DENND2B: variants seen among roughly 807,000 people sequenced by gnomAD.
DENND2B encodes the protein DENN domain-containing protein 2B.
A neutral mutation model predicts 116.0 loss-of-function variants in DENND2B; 32 were observed. The ratio of observed to expected loss-of-function variants is 0.28; its 90% CI spans 0.21 to 0.37. The LOEUF (loss-of-function observed/expected upper bound fraction) is 0.37. DENND2B is among the 10% of genes least tolerant of loss of function. The pLI is 1.00. For synonymous variants in DENND2B, 588 were observed against 583.9 expected (o/e 1.01, Z -0.10); for missense variants, 1,276 against 1,477.7 (o/e 0.86, Z 2.24).
intron 3 of DENND2B, among the ~76,000 whole-genome samples, chr11:8,854,244 C>T (rs920579961): frequency 4.6e-5 from 7 of 151,874 alleles, no homozygotes; most frequent in African/African-American, 1.7e-4. Flanking sequence ...CTCTGTTACC[C>T]AGGCTAGAGT....
chr11:8,804,459 A>G (rs1018333836), intron 1 of DENND2B, among the ~76,000 whole-genome samples: 2 of 151,746 alleles, frequency 1.3e-5, no homozygotes, highest in Non-Finnish European at 2.9e-5. Flanking sequence ...ATCTTGTATT[A>G]TTACACACCC....
chr11:8,711,067 T>TA (rs2043578721), intron 10 of DENND2B, 55 bp downstream of exon 10: 3 of 1,584,156 alleles, frequency 1.9e-6, no homozygotes, highest in Non-Finnish European at 2.6e-6. Context: ...GTGCCCACGC[T>TA]ATGGGGGTAA....
In DENND2B at chr11:8,707,225, C is replaced by T. The variant is rs1301375928; in HGVS notation, c.2431G>A (p.Val811Ile). 3 of 1,608,430 alleles carry T rather than the reference C, an allele frequency of 1.9e-6. No individual in the cohort carries two copies. Among genetic ancestry groups the T allele is most frequent in the South Asian group, 2.2e-5 (2 of 90,412 alleles). ...CGCCGGCGCTCCACCTCATCTAGGA[C>T]CTGTGCCCACCGCCAGCAGCCCAAA... ...RLGCFGLFSK[V>I]LDEVERRRGI... The change falls in exon 13 of 20, where the codon GTC becomes ATC. Residue 811 changes from valine to isoleucine, a missense_variant and splice_region_variant. Physicochemically the swap from Val to Ile is conservative, Grantham distance 29 (BLOSUM62 3). Transcript: ENST00000313726. The surrounding 1 kb of genome is among the most constrained non-coding windows in gnomAD (Gnocchi z 4.8).
intron 1 of DENND2B, among the ~76,000 whole-genome samples, chr11:8,796,293 G>A (rs3842991): frequency 0.62 from 94,965 of 152,102 alleles, 30,092 homozygotes; most frequent in Non-Finnish European, 0.68. Flanking sequence ...TGTAATCCCA[G>A]CACTTTGGGA....
Position 8,712,498 on chromosome 11 carries a change from T to C in DENND2B, c.2172+53A>G, listed in dbSNP as rs570827680. The C allele has an allele frequency of 2.3e-5, 35 of 1,503,904 alleles. 1 individual carries two copies. The African/African-American group carries it at 4.5e-4, about 19-fold the overall frequency. The allele number at this position is 1,503,904 out of a possible 1,614,324, so 93.2% of individuals were successfully genotyped here. A position where few individuals can be genotyped will look rare whatever the true frequency, so the allele number is the denominator to read the frequency against. On this transcript the variant is annotated intron_variant, in intron 9 of 19. Coordinates refer to ENST00000313726, the MANE Select transcript of DENND2B (RefSeq NM_213618.2). This position sits in a 1 kb window ranked among gnomAD's most constrained non-coding sequence, Gnocchi z 4.4. ...TCCTTCCCCAGATAGGCCTGGCGGATAGAGGATGGAAGAGGGGGAATATGG... is the reference window on the plus strand; with the variant it reads ...TCCTTCCCCAGATAGGCCTGGCGGACAGAGGATGGAAGAGGGGGAATATGG...
intron 11 of DENND2B, among the ~76,000 whole-genome samples, chr11:8,709,578 G>A (rs2043231716): frequency 1.3e-5 from 2 of 152,056 alleles, no homozygotes; most frequent in Non-Finnish European, 2.9e-5. Context: ...CTGTGCATAC[G>A]CCCTTTGCCC....
At chr11:8,792,790 C>CA (rs2134343942) in intron 1 of DENND2B, among the ~76,000 whole-genome samples, 1 of 152,264 alleles carries the variant, frequency 6.6e-6, no homozygotes, top group Admixed American at 6.5e-5. Context: ...TGGGCCAGGG[C>CA]GCAGTGGAAA....
chr11:8,849,220 C>T (rs368391637), intron 3 of DENND2B, among the ~76,000 whole-genome samples: 6 of 152,030 alleles, frequency 3.9e-5, no homozygotes, highest in South Asian at 2.1e-4. Flanking sequence ...AGGCCGGGCG[C>T]GGTGGCTCAC....
chr11:8,732,745 T>G (rs1275516423), intron 2 of DENND2B, among the ~76,000 whole-genome samples: 2 of 152,244 alleles, frequency 1.3e-5, no homozygotes, highest in Non-Finnish European at 1.5e-5. Flanking sequence ...CTTTCAGAAT[T>G]CTTTCCAAAC....
At chr11:8,749,363 G>T (rs936519367) in intron 2 of DENND2B, among the ~76,000 whole-genome samples, 2 of 152,252 alleles carry the variant, frequency 1.3e-5, no homozygotes, top group Non-Finnish European at 2.9e-5. Flanking sequence ...GAGAGGGATT[G>T]CCTGGGCAAG....
rs2062609057 is a variant in DENND2B at position 8,841,126 on chromosome 11, A to C, written c.-155-1776T>G. Among the ~76,000 whole-genome samples, 3 of 152,278 alleles carry C rather than the reference A, an allele frequency of 2.0e-5. No homozygotes were observed. The South Asian group carries it at 6.2e-4, about 32-fold the overall frequency. ...ATCTTAAATCTAACCTAACTATATA[A>C]TAGACAAGTGGAAGGTTCTTTCTTT... On this transcript the variant is annotated intron_variant, in intron 3 of 6. Transcript: ENST00000524757.
chr11:8,863,416 G>A (rs1272235124), intron 2 of DENND2B, among the ~76,000 whole-genome samples: 1 of 150,148 alleles, frequency 6.7e-6, no homozygotes, highest in African/African-American at 2.5e-5. Flanking sequence ...TGTATTTTTA[G>A]TAGAGAAGGG....
At chr11:8,905,406 A>C (rs1452022438) in intron 1 of DENND2B, among the ~76,000 whole-genome samples, 1 of 152,220 alleles carries the variant, frequency 6.6e-6, no homozygotes, top group African/African-American at 2.4e-5. Context: ...AATGGCATAG[A>C]GTTAAATGTA....
rs1163548893 is a variant in DENND2B, at chr11:8,725,905, CTCTG to C, written c.1477+164_1477+167del. Among the ~76,000 whole-genome samples the C allele has an allele frequency of 2.0e-5, 3 of 152,320 alleles. No homozygotes were observed. The East Asian group carries it at 5.8e-4, about 29-fold the overall frequency. ...AGCCAGGCTTTTAATCACAAAGCCA[CTCTG>C]TCTAAGCTAAGGTGCTTCCCCTGAT... On this transcript the variant is annotated intron_variant, in intron 4 of 19. Coordinates refer to ENST00000313726, the MANE Select transcript of DENND2B (RefSeq NM_213618.2).
At chr11:8,906,205 C>CTTTTTTTTT (rs34217164) in intron 1 of DENND2B, among the ~76,000 whole-genome samples, 4 of 93,316 alleles carry the variant, frequency 4.3e-5, no homozygotes, top group African/African-American at 6.9e-5. Flanking sequence ...TCTTTTTTTT[C>CTTTTTTTTT]TTTTTTTTTT....
intron 1 of DENND2B, among the ~76,000 whole-genome samples, chr11:8,907,759 G>A (rs1342532659): frequency 2.0e-5 from 3 of 152,014 alleles, no homozygotes; most frequent in Admixed American, 6.5e-5. Flanking sequence ...GCAGTGGCAC[G>A]ATCATAGCTC....
intron 1 of DENND2B, among the ~76,000 whole-genome samples, chr11:8,801,281 G>A (rs545976838): frequency 2.0e-4 from 31 of 152,168 alleles, no homozygotes; most frequent in Admixed American, 6.5e-4. Context: ...ACTGGGGGAC[G>A]CTTATCACTG....
chr11:8,752,156 A>C (rs1160853466), intron 1 of DENND2B, among the ~76,000 whole-genome samples: 1 of 152,222 alleles, frequency 6.6e-6, no homozygotes, highest in Non-Finnish European at 1.5e-5. Flanking sequence ...AATAAAAAAA[A>C]ATTAAGCAAG....
intron 1 of DENND2B, among the ~76,000 whole-genome samples, chr11:8,752,168 T>C (rs2052632283): frequency 6.6e-6 from 1 of 152,092 alleles, no homozygotes; most frequent in Admixed American, 6.6e-5. Flanking sequence ...TTAAGCAAGG[T>C]TGAGCCGGGC....
Sources: allele counts gnomAD v4.1 joint callset (sites outside exome capture counted in the v4.1 genomes callset), GRCh38; gene constraint gnomAD v4.1.1; non-coding constraint Gnocchi (gnomAD v3.1); transcripts MANE v1.5; gene names NCBI Gene and HGNC (gene_info 2026-07-23, HGNC 2026-07-21).